The following S100A2 variants were observed in gnomAD, a reference collection of about 807,000 sequenced individuals.
The protein encoded by S100A2 is protein S100-A2.
S100A2 carries 5 observed loss-of-function variants against 4.3 expected under a neutral mutation model. The ratio of observed to expected loss-of-function variants is 1.16; its 90% CI spans 0.61 to 2.44. S100A2 has a LOEUF of 2.44. Ranked by LOEUF, S100A2 falls within the 30% of genes most tolerant of loss-of-function variation. S100A2 has a pLI of 0.01. For missense variants in S100A2, 103 were observed against 114.7 expected (o/e 0.90, Z 0.47); for synonymous variants, 44 against 46.0 (o/e 0.96, Z 0.17).
chr1:153,563,396 AGAGAG>A, intron 2 of S100A2: 1 of 1,485,656 alleles, frequency 6.7e-7, no homozygotes, highest in Non-Finnish European at 9.0e-7. Flanking sequence ...AGAAAAGAAA[AGAGAG>A]AGAGAGAACG....
intron 2 of S100A2, among the ~76,000 whole-genome samples, chr1:153,562,281 C>A (rs559734097): frequency 6.6e-6 from 1 of 152,260 alleles, no homozygotes; most frequent in African/African-American, 2.4e-5. Context: ...GCTGGGACTA[C>A]AAGCGTATGC....
At chr1:153,563,412 T>G (rs1461481247) in intron 2 of S100A2, 1 of 1,549,020 alleles carries the variant, frequency 6.5e-7, no homozygotes, top group Non-Finnish European at 8.7e-7. Flanking sequence ...AGAGAGAACG[T>G]GCCAGTGCTG....
Position 153,564,741 on chromosome 1 carries a change from C to T in S100A2, c.-11+765G>A, listed in dbSNP as rs901305717. Among the ~76,000 whole-genome samples the T allele has an allele frequency of 2.6e-5, 4 of 151,158 alleles. No homozygotes were observed. The Admixed American group carries it at 2.6e-4, about 10-fold the overall frequency. ...GCATGCCCTGGGCCCATCATGCCAG[C>T]CCTGCCTTCACCGAGGCAGGGGGCA... On this transcript the variant is annotated intron_variant, in intron 1 of 2. Coordinates refer to ENST00000368708, the MANE Select transcript of S100A2 (RefSeq NM_005978.4).
intron 1 of S100A2, among the ~76,000 whole-genome samples, chr1:153,565,144 T>C (rs1665980304): frequency 6.6e-6 from 1 of 151,656 alleles, no homozygotes; most frequent in East Asian, 1.9e-4. Flanking sequence ...ACCCCATCTC[T>C]ACTAAAAATA....
chr1:153,562,393 T>C (rs1665912613), intron 2 of S100A2, among the ~76,000 whole-genome samples: 1 of 152,176 alleles, frequency 6.6e-6, no homozygotes, highest in Admixed American at 6.5e-5. Flanking sequence ...CCTCCTGCCT[T>C]AGCCTCCCAC....
At position 153,561,558 on chromosome 1, in the gene S100A2, T is replaced by C. The variant is rs1665895386; in HGVS notation, c.178A>G (p.Met60Val). The change falls in exon 3 of 3, where the codon ATG becomes GTG. Residue 60 changes from methionine (M) to valine (V), a missense_variant. Coordinates refer to ENST00000368708, the MANE Select transcript of S100A2 (RefSeq NM_005978.4). ...KVDEEGLKKLMGSLDENSDQQ... is the reference protein window; with the variant it reads ...KVDEEGLKKLVGSLDENSDQQ... Reference sequence around the variant, plus strand: ...TCACTGTTCTCATCCAGGCTGCCCATCAGCTTCTTCAGCCCCTCCTCATCC... The same window carrying C: ...TCACTGTTCTCATCCAGGCTGCCCACCAGCTTCTTCAGCCCCTCCTCATCC... The C allele has an allele frequency of 6.2e-7, 1 of 1,613,990 alleles. No homozygotes were observed. The highest frequency in any genetic ancestry group is 2.2e-5 in the East Asian group (1 of 44,890).
At chr1:153,561,689 T>TCCCTC (rs1177043328) in intron 2 of S100A2, 98 bp from the exon 3 acceptor site, 2 of 1,563,960 alleles carry the variant, frequency 1.3e-6, no homozygotes, top group Non-Finnish European at 1.8e-6. Context: ...TTCCCAGCTC[T>TCCCTC]CCCTCCCCAC....
Position 153,563,901 on chromosome 1 carries a change from AG to A in S100A2, c.-10-15del, listed in dbSNP as rs1665952386. The A allele has an allele frequency of 6.2e-7, 1 of 1,612,032 alleles. No individual in the cohort carries two copies. The highest frequency in any genetic ancestry group is 1.1e-5 in the South Asian group (1 of 90,810). On this transcript the variant is annotated splice_polypyrimidine_tract_variant and intron_variant, in intron 1 of 2. Coordinates refer to ENST00000368708, the MANE Select transcript of S100A2 (RefSeq NM_005978.4). ...ATGGATCTGTGGCTGCAGAGGTGCCAGGTGATGGGTACACTGCTGAGGCTCT... is the reference window on the plus strand; with the variant it reads ...ATGGATCTGTGGCTGCAGAGGTGCCAGTGATGGGTACACTGCTGAGGCTCT...
chr1:153,562,655 T>C (rs2857426), intron 2 of S100A2, among the ~76,000 whole-genome samples: 1 of 152,210 alleles, frequency 6.6e-6, no homozygotes, highest in Non-Finnish European at 1.5e-5. Context: ...ATATCTTAGC[T>C]GGGCTTTTCT....
intron 1 of S100A2, chr1:153,564,144 C>A (rs563482787): frequency 9.8e-6 from 4 of 406,664 alleles, no homozygotes; most frequent in Admixed American, 4.1e-5. Context: ...GCACTTGGGA[C>A]ACCCCCCTGA....
At chr1:153,561,819 A>G (rs1665901128) in intron 2 of S100A2, among the ~76,000 whole-genome samples, 2 of 152,292 alleles carry the variant, frequency 1.3e-5, no homozygotes, top group South Asian at 4.1e-4. Flanking sequence ...TCCTGGACAC[A>G]GGGAGGACAC....
intron 1 of S100A2, among the ~76,000 whole-genome samples, chr1:153,564,629 C>T (rs927773485): frequency 2.0e-5 from 3 of 152,038 alleles, no homozygotes; most frequent in East Asian, 1.9e-4. Context: ...CAGACCTCAG[C>T]GGCAAGGCCT....
At chr1:153,563,945 C>A in intron 1 of S100A2, 58 bp from the exon 2 acceptor site, 1 of 1,551,800 alleles carries the variant, frequency 6.4e-7, no homozygotes, top group Non-Finnish European at 8.7e-7. Flanking sequence ...TTAGCTCAGC[C>A]TGTAGGATCC....
In S100A2 at chr1:153,561,429, G is replaced by A. The variant is rs1478250701; in HGVS notation, c.*10C>T. Reference sequence around the variant, plus strand: ...CAAGAGATCCATGGCAGGAAGTCAAGAGTTCTGCTTCAGGGTCGGTCTGGG... The same window carrying A: ...CAAGAGATCCATGGCAGGAAGTCAAAAGTTCTGCTTCAGGGTCGGTCTGGG... On this transcript the variant is annotated 3_prime_UTR_variant, in exon 3 of 3. Coordinates refer to ENST00000368708, the MANE Select transcript of S100A2 (RefSeq NM_005978.4). 6.2e-7 allele frequency: 1 copy of A among 1,608,574 alleles called. No homozygotes were observed. The highest frequency in any genetic ancestry group is 8.5e-7 in the Non-Finnish European group (1 of 1,175,458).
intron 2 of S100A2, among the ~76,000 whole-genome samples, chr1:153,563,001 C>T (rs898466287): frequency 4.0e-5 from 6 of 149,344 alleles, no homozygotes; most frequent in African/African-American, 7.4e-5. Context: ...AGTCCGGGCA[C>T]GGTGGCTCAC....
At chr1:153,561,634 A>T (rs754804948) in intron 2 of S100A2, 43 bp from the exon 3 acceptor site, 2 of 1,613,190 alleles carry the variant, frequency 1.2e-6, no homozygotes, top group Non-Finnish European at 1.7e-6. Flanking sequence ...GCCAGCCCCA[A>T]CCCCAGCTCC....
intron 1 of S100A2, among the ~76,000 whole-genome samples, chr1:153,565,241 G>T (rs1665982912): frequency 6.6e-6 from 1 of 151,024 alleles, no homozygotes; most frequent in South Asian, 2.1e-4. Flanking sequence ...GAACCTGGGA[G>T]GGGGAGTTTG....
In S100A2 at chr1:153,561,504, C is replaced by T. The variant is rs777148347; in HGVS notation, c.232G>A (p.Val78Ile). The change falls in exon 3 of 3, where the codon GTT (valine) becomes ATT (isoleucine). Residue 78 changes from valine (V) to isoleucine (I), a missense_variant. Physicochemically the swap from Val to Ile is conservative, Grantham distance 29 (BLOSUM62 3). Transcript: ENST00000368708. ...DQQVDFQEYA[V>I]FLALITVMCN... ...ATGACAGTGATGAGTGCCAGGAAAA[C>T]AGCATACTCCTGGAAGTCCACCTGC... 4 of 1,614,170 alleles carry T rather than the reference C, an allele frequency of 2.5e-6. No homozygotes were observed. The highest frequency in any genetic ancestry group is 3.4e-6 in the Non-Finnish European group (4 of 1,180,030).
intron 2 of S100A2, among the ~76,000 whole-genome samples, chr1:153,561,846 C>T (rs1002924624): frequency 6.6e-6 from 1 of 152,254 alleles, no homozygotes; most frequent in Non-Finnish European, 1.5e-5. Context: ...CTCCTCTGAG[C>T]ATGCATCAGC....
Sources: allele counts gnomAD v4.1 joint callset (sites outside exome capture counted in the v4.1 genomes callset), GRCh38; gene constraint gnomAD v4.1.1; transcripts MANE v1.5; gene names NCBI Gene and HGNC (gene_info 2026-07-23, HGNC 2026-07-21).